DIAPH1: variants seen among roughly 807,000 people sequenced by gnomAD.
DIAPH1 encodes the protein protein diaphanous homolog 1.
In DIAPH1, 46 loss-of-function variants were observed where a neutral mutation model predicts 140.7. The observed-to-expected ratio is 0.33, with a 90% CI of 0.26 to 0.42. DIAPH1 has a LOEUF of 0.42. Among genes scored for constraint, DIAPH1 ranks in the 10% least tolerant of loss-of-function variants. The pLI, the probability that DIAPH1 is intolerant of heterozygous loss-of-function variation, is 1.00. For synonymous variants in DIAPH1, 565 were observed against 551.6 expected, an observed-to-expected ratio of 1.02 and a Z score of -0.34; for missense variants, 1,310 against 1,558.7, an observed-to-expected ratio of 0.84 and a Z score of 2.69.
At chr5:141,541,529 A>C (rs534616081) in intron 18 of DIAPH1, among the ~76,000 whole-genome samples, 3 of 152,124 alleles carry the variant, frequency 2.0e-5, no homozygotes, top group South Asian at 2.1e-4. Context: ...CTCTACTAAA[A>C]ACACAAAAAT....
Position 141,526,514 on chromosome 5 carries a change from C to T in DIAPH1, c.3274-53G>A, listed in dbSNP as rs2099887345. ...CCAAGACCAAGAAGCAGACCCACTT[C>T]TCTAGCCCAAGGAATTACTCAAAGA... On this transcript the variant is annotated intron_variant, in intron 24 of 27. Transcript: ENST00000389054. The T allele has an allele frequency of 2.5e-6, 4 of 1,608,352 alleles. No individual in the cohort carries two copies. The Admixed American group carries it at 6.7e-5, about 27-fold the overall frequency.
intron 18 of DIAPH1, chr5:141,564,856 G>GAT (rs2154596044): frequency 6.6e-6 from 1 of 152,298 alleles, no homozygotes; most frequent in South Asian, 2.1e-4. Context: ...GTCAAGGTAA[G>GAT]AAAGATAACC....
intron 18 of DIAPH1, among the ~76,000 whole-genome samples, chr5:141,541,635 A>C (rs2154595386): frequency 6.6e-6 from 1 of 151,638 alleles, no homozygotes; most frequent in Non-Finnish European, 1.5e-5. Flanking sequence ...TAGTGAGCCA[A>C]GATTGTGCCA....
At chr5:141,588,291 T>A in intron 1 of DIAPH1, 41 bp from the exon 2 acceptor site, 3 of 1,522,928 alleles carry the variant, frequency 2.0e-6, no homozygotes, top group African/African-American at 1.4e-5. Flanking sequence ...AGAAGAGAAA[T>A]CAGTGAAGTA....
intron 1 of DIAPH1, among the ~76,000 whole-genome samples, chr5:141,614,936 A>G (rs1339663884): frequency 2.0e-5 from 3 of 152,120 alleles, no homozygotes; most frequent in African/African-American, 7.2e-5. Flanking sequence ...TAATGTTTTA[A>G]GAGGATATAA....
At chr5:141,595,072 A>G (rs1395997759) in intron 1 of DIAPH1, among the ~76,000 whole-genome samples, 2 of 152,030 alleles carry the variant, frequency 1.3e-5, no homozygotes, top group Non-Finnish European at 2.9e-5. Context: ...AAAAAAGGAA[A>G]AGGCTACATA....
intron 14 of DIAPH1, among the ~76,000 whole-genome samples, chr5:141,575,464 C>G (rs907277955): frequency 6.6e-6 from 1 of 152,130 alleles, no homozygotes; most frequent in African/African-American, 2.4e-5. Context: ...ACCTGTCCAA[C>G]ATGGTGAACC....
intron 18 of DIAPH1, among the ~76,000 whole-genome samples, chr5:141,548,286 A>G (rs1394245201): frequency 3.3e-5 from 5 of 152,034 alleles, no homozygotes; most frequent in Non-Finnish European, 5.9e-5. Flanking sequence ...TCTTTAAAAA[A>G]AAAAAAAAGA....
chr5:141,575,747 A>G (rs1481509688), intron 14 of DIAPH1, among the ~76,000 whole-genome samples: 1 of 152,220 alleles, frequency 6.6e-6, no homozygotes, highest in Non-Finnish European at 1.5e-5. Context: ...ATAGTTAAAA[A>G]AAATAAGATT....
chr5:141,521,771 A>G (rs2099886579), intron 27 of DIAPH1, among the ~76,000 whole-genome samples: 1 of 152,212 alleles, frequency 6.6e-6, no homozygotes, highest in Non-Finnish European at 1.5e-5. Context: ...CAGTAGCTGC[A>G]TAGAGAAACC....
intron 18 of DIAPH1, among the ~76,000 whole-genome samples, chr5:141,541,927 A>G (rs1027581847): frequency 1.3e-5 from 2 of 152,212 alleles, no homozygotes; most frequent in Admixed American, 1.3e-4. Flanking sequence ...ATGTTCATAG[A>G]ACATAAAATT....
chr5:141,589,088 G>T, intron 1 of DIAPH1: 1 of 162,900 alleles, frequency 6.1e-6, no homozygotes, highest in South Asian at 1.7e-4. Flanking sequence ...GCAACTAGAA[G>T]GTAGATGTGC....
At position 141,524,248 on chromosome 5, in the gene DIAPH1, T is replaced by C. The variant is rs932000793; in HGVS notation, c.3575-19A>G. 1.9e-6 allele frequency: 3 copies of C among 1,609,192 alleles called. No homozygotes were observed. Among genetic ancestry groups the C allele is most frequent in the East Asian group, 2.2e-5 (1 of 44,852 alleles). On this transcript the variant is annotated intron_variant, in intron 26 of 27. Coordinates refer to ENST00000389054, the MANE Select transcript of DIAPH1 (RefSeq NM_005219.5). Reference sequence around the variant, plus strand: ...TCGCCCTCTGTTATAAAGAACAAGATGGAGATGTGAACTCTTCAGCCAGAG... The same window carrying C: ...TCGCCCTCTGTTATAAAGAACAAGACGGAGATGTGAACTCTTCAGCCAGAG...
intron 18 of DIAPH1, among the ~76,000 whole-genome samples, chr5:141,559,489 CCA>C (rs2099893187): frequency 6.6e-6 from 1 of 152,086 alleles, no homozygotes; most frequent in Admixed American, 6.5e-5. Context: ...AAGAACAAAG[CCA>C]CACAGAATCC....
intron 18 of DIAPH1, among the ~76,000 whole-genome samples, chr5:141,537,819 TACA>T (rs113475697): frequency 0.011 from 1,619 of 152,318 alleles, 41 homozygotes; most frequent in African/African-American, 0.037. Context: ...TTGTAATACC[TACA>T]ACAACATCTA....
At chr5:141,589,986 A>C (rs1188341828) in intron 1 of DIAPH1, among the ~76,000 whole-genome samples, 1 of 151,920 alleles carries the variant, frequency 6.6e-6, no homozygotes, top group East Asian at 1.9e-4. Flanking sequence ...CCTGGGCTCA[A>C]GTGATCTGCC....
chr5:141,566,362 G>A (rs1406894164), intron 18 of DIAPH1, among the ~76,000 whole-genome samples: 1 of 152,134 alleles, frequency 6.6e-6, no homozygotes, highest in Admixed American at 6.5e-5. Flanking sequence ...ATAGAAGAGT[G>A]GATATGAGTC....
chr5:141,528,521 C>T lies in DIAPH1; in HGVS notation c.3080G>A (p.Cys1027Tyr). 1 of 1,614,230 alleles carries T rather than the reference C, an allele frequency of 6.2e-7. No homozygotes were observed. The highest frequency in any genetic ancestry group is 1.1e-5 in the South Asian group (1 of 91,086). The change falls in exon 23 of 28, where the codon TGT (cysteine) becomes TAT (tyrosine). Residue 1027 changes from cysteine (C) to tyrosine (Y), a missense_variant. Cys to Tyr is a radical substitution (Grantham distance 194). Around this residue, in one of 3 missense-constraint regions of DIAPH1, gnomAD observed 344 missense variants for 512.2 expected, o/e 0.67. Coordinates refer to ENST00000389054, the MANE Select transcript of DIAPH1 (RefSeq NM_005219.5). ...GAGGACATCGGGATAGTCATTCTCA[C>T]ACAACTCAGCCAAGAAGTGTAACAA... ...MTLLHFLAEL[C>Y]ENDYPDVLKF...
At position 141,516,625 on chromosome 5, in the gene DIAPH1, G is replaced by T; in HGVS notation, c.*226C>A. 1.7e-6 allele frequency: 1 copy of T among 590,996 alleles called. No individual in the cohort carries two copies. Among genetic ancestry groups the T allele is most frequent in the Non-Finnish European group, 3.0e-6 (1 of 330,364 alleles). The allele number at this position is 590,996 out of a possible 1,614,324, so 36.6% of individuals were successfully genotyped here. A position where few individuals can be genotyped will look rare whatever the true frequency, so the allele number is the denominator to read the frequency against. On this transcript the variant is annotated 3_prime_UTR_variant, in exon 28 of 28. Coordinates refer to ENST00000389054, the MANE Select transcript of DIAPH1 (RefSeq NM_005219.5). The stretch of plus-strand genomic sequence containing the variant: ...CTTTGGTAATACAACAGCCAGGGCT[G>T]GCTAAGTCGGGCTCAGGCCTCCCCT...
Sources: allele counts gnomAD v4.1 joint callset (sites outside exome capture counted in the v4.1 genomes callset), GRCh38; gene constraint gnomAD v4.1.1; regional missense constraint gnomAD v4.1.1; transcripts MANE v1.5; gene names NCBI Gene and HGNC (gene_info 2026-07-23, HGNC 2026-07-21).